SAMMSON: variants seen among roughly 807,000 people sequenced by gnomAD.
The protein encoded by SAMMSON is survival associated mitochondrial melanoma specific oncogenic non-coding RNA, also known as long intergenic non-protein coding RNA 1212.
intron 3 of SAMMSON, among the ~76,000 whole-genome samples, chr3:70,018,344 C>T (rs1016069758): frequency 6.6e-6 from 1 of 152,142 alleles, no homozygotes; most frequent in Non-Finnish European, 1.5e-5. Context: ...TTATCCATTT[C>T]TTCTAGATTT....
At chr3:70,198,403 T>G (rs1386098785) in intron 4 of SAMMSON, among the ~76,000 whole-genome samples, 1 of 152,166 alleles carries the variant, frequency 6.6e-6, no homozygotes, top group Non-Finnish European at 1.5e-5. Flanking sequence ...TACTTTTATT[T>G]TCCAGAAAGC....
At chr3:70,033,483 T>A (rs1399087674) in intron 3 of SAMMSON, among the ~76,000 whole-genome samples, 2 of 152,146 alleles carry the variant, frequency 1.3e-5, no homozygotes, top group East Asian at 3.9e-4. Context: ...CAGAGTATGC[T>A]GGCCAGTGGG....
chr3:70,275,914 C>G (rs191739542), intron 6 of SAMMSON, among the ~76,000 whole-genome samples: 1 of 151,762 alleles, frequency 6.6e-6, no homozygotes, highest in African/African-American at 2.4e-5. Context: ...TGCTCATTGT[C>G]GATGCAAATC....
intron 4 of SAMMSON, among the ~76,000 whole-genome samples, chr3:70,174,420 C>G (rs1219026272): frequency 4.0e-5 from 6 of 151,864 alleles, no homozygotes; most frequent in Non-Finnish European, 8.8e-5. Context: ...AAAATCCAGG[C>G]TCAGGGTCCA....
chr3:70,003,593 T>G (rs2066914672), intron 1 of SAMMSON, among the ~76,000 whole-genome samples: 1 of 151,892 alleles, frequency 6.6e-6, no homozygotes, highest in Non-Finnish European at 1.5e-5. Flanking sequence ...TTAATGCTAT[T>G]TATTCTCTAC....
intron 4 of SAMMSON, chr3:70,206,860 C>T (rs769476014): frequency 5.8e-4 from 230 of 396,038 alleles, no homozygotes; most frequent in Non-Finnish European, 9.0e-4. Flanking sequence ...CCTAAGAATG[C>T]AGAAATTTTC....
At position 70,320,311 on chromosome 3, in the gene SAMMSON, G is replaced by T. The variant is rs1022195919; in HGVS notation, n.739+29068G>T. Among the ~76,000 whole-genome samples, 5 of 152,138 alleles carry T rather than the reference G, an allele frequency of 3.3e-5. 1 individual carries two copies. The highest frequency in any genetic ancestry group is 4.1e-4 in the South Asian group (2 of 4,824). On this transcript the variant is annotated intron_variant and non_coding_transcript_variant, in intron 7 of 9. Coordinates refer to ENST00000642114, the Ensembl canonical transcript of SAMMSON. ...TGAAGACCACCAGCAATGACAGTGGGTTACCATGTAGTAGGTGTGCTACCC... is the reference window on the plus strand; with the variant it reads ...TGAAGACCACCAGCAATGACAGTGGTTTACCATGTAGTAGGTGTGCTACCC...
chr3:70,267,573 T>TG (rs1701929404), intron 6 of SAMMSON, among the ~76,000 whole-genome samples: 1 of 103,610 alleles, frequency 9.7e-6, no homozygotes, highest in African/African-American at 3.7e-5. Flanking sequence ...CGGCTAATTT[T>TG]TTGTATTTTT....
intron 3 of SAMMSON, among the ~76,000 whole-genome samples, chr3:70,052,758 A>C (rs1466395907): frequency 6.6e-6 from 1 of 152,102 alleles, no homozygotes. Flanking sequence ...GTGAACAACC[A>C]AAAATGCCTC....
intron 4 of SAMMSON, chr3:70,172,271 C>CTTTTTTTTTT (rs5742405): frequency 1.5e-5 from 2 of 135,018 alleles, no homozygotes; most frequent in East Asian, 2.1e-4. Flanking sequence ...CATTAGTGGT[C>CTTTTTTTTTT]TTTTTTTTTT....
At chr3:70,285,130 A>C (rs1209448830) in intron 6 of SAMMSON, among the ~76,000 whole-genome samples, 1 of 151,536 alleles carries the variant, frequency 6.6e-6, no homozygotes. Context: ...ATATGTATAC[A>C]TGTGCCATGC....
intron 7 of SAMMSON, among the ~76,000 whole-genome samples, chr3:70,334,688 C>G (rs1328134384): frequency 6.6e-6 from 1 of 152,058 alleles, no homozygotes; most frequent in East Asian, 1.9e-4. Context: ...ACCCTGTAAG[C>G]TAAATATGAC....
intron 4 of SAMMSON, among the ~76,000 whole-genome samples, chr3:70,193,036 T>C (rs1701143427): frequency 6.6e-6 from 1 of 152,180 alleles, no homozygotes; most frequent in Non-Finnish European, 1.5e-5. Context: ...GTGACATCAA[T>C]TGTCTCTCCA....
intron 4 of SAMMSON, among the ~76,000 whole-genome samples, chr3:70,246,746 T>C (rs550659271): frequency 1.0e-3 from 159 of 152,188 alleles, no homozygotes; most frequent in African/African-American, 3.7e-3. Context: ...AGCAAGACTT[T>C]GTGTATTCTT....
At chr3:70,287,809 T>G (rs1319686907) in intron 6 of SAMMSON, among the ~76,000 whole-genome samples, 31 of 150,026 alleles carry the variant, frequency 2.1e-4, no homozygotes, top group Non-Finnish European at 3.9e-4. Flanking sequence ...GTCGAGGAAT[T>G]TATCCATTTC....
intron 9 of SAMMSON, among the ~76,000 whole-genome samples, chr3:70,379,438 T>C (rs998791717): frequency 2.6e-5 from 4 of 152,258 alleles, no homozygotes; most frequent in African/African-American, 7.2e-5. Flanking sequence ...GATCAACACC[T>C]GTGAAGGCAG....
chr3:70,215,557 C>A (rs1701400818), intron 4 of SAMMSON, among the ~76,000 whole-genome samples: 2 of 152,108 alleles, frequency 1.3e-5, no homozygotes, highest in Admixed American at 6.6e-5. Context: ...CTTCCTACAA[C>A]TGTCCCCTGC....
At chr3:70,184,056 G>T (rs1435560923) in intron 4 of SAMMSON, 1 of 152,190 alleles carries the variant, frequency 6.6e-6, no homozygotes, top group Non-Finnish European at 1.5e-5. Context: ...AAGCAGTGTG[G>T]TTGCAAAGAT....
chr3:70,052,600 G>A (rs2067150567), intron 3 of SAMMSON, among the ~76,000 whole-genome samples: 1 of 152,084 alleles, frequency 6.6e-6, no homozygotes. Context: ...GTGGTAAGTG[G>A]AATTCTGGCA....
Sources: allele counts gnomAD v4.1 joint callset (sites outside exome capture counted in the v4.1 genomes callset), GRCh38; gene constraint gnomAD v4.1.1; transcripts MANE v1.5; gene names NCBI Gene and HGNC (gene_info 2026-07-23, HGNC 2026-07-21).